Variants in EXOC6B observed in about 807,000 individuals in gnomAD.
EXOC6B encodes exocyst complex component 6B, also known as SEC15 homolog B.
A neutral mutation model predicts 113.5 loss-of-function variants in EXOC6B; 54 were observed. The ratio of observed to expected loss-of-function variants is 0.48; its 90% CI spans 0.38 to 0.60. The LOEUF (loss-of-function observed/expected upper bound fraction) is 0.60. Among genes scored for constraint, EXOC6B ranks in the 20% least tolerant of loss-of-function variants. The probability of loss-of-function intolerance (pLI) is 0.00; values close to 1 mark genes in which losing one functional copy is unlikely to be tolerated. For missense variants in EXOC6B, 797 were observed against 977.5 expected (o/e 0.82, Z 2.46); for synonymous variants, 357 against 339.0 (o/e 1.05, Z -0.58).
At chr2:72,191,001 C>T (rs1008658283) in intron 20 of EXOC6B, among the ~76,000 whole-genome samples, 3 of 152,150 alleles carry the variant, frequency 2.0e-5, no homozygotes, top group Admixed American at 2.0e-4. Context: ...GCTTTGATTT[C>T]AAACACAGAG....
rs74899333 is a variant in EXOC6B, at chr2:72,403,062, T to A, written c.1981-23192A>T. Among the ~76,000 whole-genome samples, 7 of 152,314 alleles carry A rather than the reference T, an allele frequency of 4.6e-5. No individual in the cohort carries two copies. The East Asian group carries it at 9.7e-4, about 21-fold the overall frequency. On this transcript the variant is annotated intron_variant, in intron 18 of 21. Coordinates refer to ENST00000272427, the MANE Select transcript of EXOC6B (RefSeq NM_015189.3). ...GATCTCTGTTGGGAGATTTCAAAAT[T>A]TATACAGGCTTGCACTGAGCCCAGA...
chr2:72,711,734 A>C (rs1679285177), intron 6 of EXOC6B, among the ~76,000 whole-genome samples: 1 of 152,164 alleles, frequency 6.6e-6, no homozygotes, highest in African/African-American at 2.4e-5. Context: ...GCTTGAACAC[A>C]AGCAGTCAAT....
chr2:72,344,950 G>A (rs1340196512), intron 19 of EXOC6B, among the ~76,000 whole-genome samples: 1 of 152,002 alleles, frequency 6.6e-6, no homozygotes, highest in Non-Finnish European at 1.5e-5. Flanking sequence ...GAACCTCTGT[G>A]ATTAGAAGCA....
intron 19 of EXOC6B, among the ~76,000 whole-genome samples, chr2:72,335,551 CACACA>C (rs1688647408): frequency 1.9e-3 from 2 of 1,058 alleles, no homozygotes; most frequent in African/African-American, 3.1e-3. Flanking sequence ...CATTATTGCA[CACACA>C]CACACACACA....
intron 20 of EXOC6B, among the ~76,000 whole-genome samples, chr2:72,300,240 G>A (rs1686423223): frequency 6.6e-6 from 1 of 152,188 alleles, no homozygotes; most frequent in Admixed American, 6.5e-5. Context: ...GGAATCTAGA[G>A]AGGCAGTCTG....
At chr2:72,419,938 G>A (rs372335614) in intron 18 of EXOC6B, among the ~76,000 whole-genome samples, 3 of 151,978 alleles carry the variant, frequency 2.0e-5, no homozygotes, top group Non-Finnish European at 2.9e-5. Context: ...CATAATAGTC[G>A]GCTTGAAGGT....
chr2:72,239,853 A>G (rs1394969394), intron 20 of EXOC6B, among the ~76,000 whole-genome samples: 1 of 152,178 alleles, frequency 6.6e-6, no homozygotes, highest in Non-Finnish European at 1.5e-5. Flanking sequence ...CAGTTTTTAA[A>G]GTAAACCTTG....
chr2:72,600,165 G>C (rs1447259609), intron 6 of EXOC6B, among the ~76,000 whole-genome samples: 1 of 152,112 alleles, frequency 6.6e-6, no homozygotes, highest in Non-Finnish European at 1.5e-5. Flanking sequence ...AACTGGCCAG[G>C]CACAGTGGCT....
intron 18 of EXOC6B, among the ~76,000 whole-genome samples, chr2:72,455,110 T>C (rs1467626758): frequency 2.6e-5 from 4 of 152,136 alleles, no homozygotes; most frequent in Non-Finnish European, 5.9e-5. Flanking sequence ...ATTAATGTAA[T>C]GAAGAAAAAT....
At chr2:72,262,678 G>T (rs1014823522) in intron 20 of EXOC6B, among the ~76,000 whole-genome samples, 6 of 152,010 alleles carry the variant, frequency 3.9e-5, no homozygotes, top group African/African-American at 1.4e-4. Context: ...AAGTTCAAGA[G>T]CACTGAGCAA....
intron 1 of EXOC6B, among the ~76,000 whole-genome samples, chr2:72,796,392 G>T (rs967872463): frequency 6.7e-6 from 1 of 150,160 alleles, no homozygotes; most frequent in Non-Finnish European, 1.5e-5. Flanking sequence ...GGTGGAGGTT[G>T]CAGTGAGCTG....
chr2:72,270,927 A>G (rs1684443180), intron 20 of EXOC6B, among the ~76,000 whole-genome samples: 1 of 152,224 alleles, frequency 6.6e-6, no homozygotes, highest in Non-Finnish European at 1.5e-5. Flanking sequence ...TGAAATTTAA[A>G]TCTCTGCTCT....
At chr2:72,529,714 C>T (rs1432472082) in intron 8 of EXOC6B, among the ~76,000 whole-genome samples, 1 of 152,164 alleles carries the variant, frequency 6.6e-6, no homozygotes, top group Non-Finnish European at 1.5e-5. Flanking sequence ...CCTCCTCCCT[C>T]GGCCTCCCAA....
chr2:72,539,776 T>C (rs1702494512), intron 8 of EXOC6B, among the ~76,000 whole-genome samples: 1 of 152,030 alleles, frequency 6.6e-6, no homozygotes, highest in African/African-American at 2.4e-5. Context: ...GTGTGTAGTC[T>C]GCATATATGA....
At chr2:72,414,097 C>T (rs1409302145) in intron 18 of EXOC6B, among the ~76,000 whole-genome samples, 2 of 152,158 alleles carry the variant, frequency 1.3e-5, no homozygotes, top group East Asian at 3.9e-4. Flanking sequence ...TATATATTCA[C>T]ATATGAAACA....
At chr2:72,347,959 T>G (rs1357839966) in intron 19 of EXOC6B, among the ~76,000 whole-genome samples, 6 of 152,182 alleles carry the variant, frequency 3.9e-5, no homozygotes, top group African/African-American at 1.4e-4. Context: ...TTGAAGGAAA[T>G]GCCCATGATA....
chr2:72,533,429 T>A (rs1437288334), intron 8 of EXOC6B, among the ~76,000 whole-genome samples: 1 of 152,230 alleles, frequency 6.6e-6, no homozygotes, highest in African/African-American at 2.4e-5. Context: ...ACATCACAGT[T>A]GCAGAATTCT....
At chr2:72,664,151 A>T (rs918138086) in intron 6 of EXOC6B, among the ~76,000 whole-genome samples, 3 of 152,114 alleles carry the variant, frequency 2.0e-5, no homozygotes, top group African/African-American at 7.2e-5. Flanking sequence ...CAACAAAATA[A>T]TTTTTTTAAA....
intron 11 of EXOC6B, among the ~76,000 whole-genome samples, chr2:72,504,379 A>G (rs911143184): frequency 2.6e-5 from 4 of 152,172 alleles, no homozygotes; most frequent in Non-Finnish European, 4.4e-5. Context: ...TTTTTCTCTC[A>G]ACATTATATA....
Sources: allele counts gnomAD v4.1 joint callset (sites outside exome capture counted in the v4.1 genomes callset), GRCh38; gene constraint gnomAD v4.1.1; transcripts MANE v1.5; gene names NCBI Gene and HGNC (gene_info 2026-07-23, HGNC 2026-07-21).